The following NEMF variants were observed in gnomAD, a reference collection of about 807,000 sequenced individuals.
The protein encoded by NEMF is ribosome quality control complex subunit NEMF.
NEMF carries 89 observed loss-of-function variants against 162.2 expected under a neutral mutation model. The ratio of observed to expected loss-of-function variants is 0.55; its 90% CI spans 0.46 to 0.65. The LOEUF is 0.65. NEMF is among the 30% of genes least tolerant of loss of function. The pLI is 0.00. For synonymous variants in NEMF, 421 were observed against 404.5 expected, an observed-to-expected ratio of 1.04 and a Z score of -0.49; for missense variants, 1,133 against 1,261.9, an observed-to-expected ratio of 0.90 and a Z score of 1.55.
chr14:49,784,459 G>C lies in NEMF; in HGVS notation c.*177C>G. Reference sequence around the variant, plus strand: ...TTTTGGAAATCCTATCATAGACAGTGTTTCCTCTATATAAAACTGGGAAAA... The same window carrying C: ...TTTTGGAAATCCTATCATAGACAGTCTTTCCTCTATATAAAACTGGGAAAA... On this transcript the variant is annotated 3_prime_UTR_variant, in exon 33 of 33. Transcript: ENST00000298310. The C allele has an allele frequency of 5.5e-6, 3 of 549,390 alleles. No individual in the cohort carries two copies. Among genetic ancestry groups the C allele is most frequent in the Non-Finnish European group, 9.7e-6 (3 of 310,770 alleles). The allele number at this position is 549,390 out of a possible 1,614,324, so 34.0% of individuals were successfully genotyped here. A position where few individuals can be genotyped will look rare whatever the true frequency, so the allele number is the denominator to read the frequency against.
chr14:49,831,428 G>C, intron 10 of NEMF, 67 bp from the exon 11 acceptor site: 1 of 921,268 alleles, frequency 1.1e-6, no homozygotes, highest in Non-Finnish European at 1.7e-6. Context: ...TGCATACACA[G>C]AATTTTATTT....
At chr14:49,852,562 A>T in intron 1 of NEMF, 133 bp downstream of exon 1, 1 of 936,210 alleles carries the variant, frequency 1.1e-6, no homozygotes, top group Non-Finnish European at 1.7e-6. Context: ...ACGCCTGCCC[A>T]CTCAGGCCTA....
intron 3 of NEMF, among the ~76,000 whole-genome samples, chr14:49,846,579 C>T (rs983693046): frequency 1.3e-5 from 2 of 152,190 alleles, no homozygotes; most frequent in Non-Finnish European, 2.9e-5. Context: ...GATCCTCCTG[C>T]ATCAGCCTCC....
At chr14:49,844,873 A>T in intron 4 of NEMF, 1 of 369,838 alleles carries the variant, frequency 2.7e-6, no homozygotes, top group Non-Finnish European at 5.7e-6. Flanking sequence ...GGTTCAAGTG[A>T]TTCTCCTGCC....
chr14:49,844,762 C>CACACACAA, intron 4 of NEMF: 1 of 337,980 alleles, frequency 3.0e-6, no homozygotes, highest in African/African-American at 2.3e-5. Context: ...CACACACACA[C>CACACACAA]ACATATATTT....
intron 4 of NEMF, among the ~76,000 whole-genome samples, chr14:49,844,100 A>G (rs1294931009): frequency 6.7e-6 from 1 of 149,746 alleles, no homozygotes; most frequent in Admixed American, 6.7e-5. Context: ...CTCTGTATCA[A>G]AAAAAAAAAA....
chr14:49,782,806 T>C lies in NEMF; in HGVS notation c.*1830A>G, dbSNP rs531289598. 2 of 1,604,474 alleles carry C rather than the reference T, an allele frequency of 1.2e-6. No homozygotes were observed. The highest frequency in any genetic ancestry group is 1.7e-5 in the Admixed American group (1 of 57,600). On this transcript the variant is annotated 3_prime_UTR_variant, in exon 33 of 33. Transcript: ENST00000298310. ...TCCAAACAGTAAAGTGAAATTACTT[T>C]TCTCTTTCCTTGTCCACTTTCAGGC... is the stretch of plus-strand genomic sequence containing the variant.
At chr14:49,835,889 C>T (rs1354672776) in intron 6 of NEMF, among the ~76,000 whole-genome samples, 1 of 152,132 alleles carries the variant, frequency 6.6e-6, no homozygotes, top group African/African-American at 2.4e-5. Flanking sequence ...ATTCCACTGA[C>T]AATAGCATCA....
chr14:49,848,884 G>T (rs117842801), intron 3 of NEMF, among the ~76,000 whole-genome samples: 2 of 125,098 alleles, frequency 1.6e-5, no homozygotes, highest in Non-Finnish European at 1.7e-5. Flanking sequence ...TTTTACAGAA[G>T]TTAATCTAAG....
intron 26 of NEMF, among the ~76,000 whole-genome samples, chr14:49,790,555 T>G (rs1890391623): frequency 6.6e-6 from 1 of 152,166 alleles, no homozygotes; most frequent in Admixed American, 6.6e-5. Context: ...GGAACTCTCA[T>G]ACACTGCCTG....
intron 23 of NEMF, 120 bp from the exon 24 acceptor site, chr14:49,799,798 G>T: frequency 1.3e-6 from 1 of 793,608 alleles, no homozygotes; most frequent in East Asian, 2.6e-5. Flanking sequence ...TTTCAAATTT[G>T]GTGAAGTGAG....
At chr14:49,848,080 C>T (rs549721619) in intron 3 of NEMF, among the ~76,000 whole-genome samples, 55 of 151,484 alleles carry the variant, frequency 3.6e-4, no homozygotes, top group African/African-American at 1.3e-3. Context: ...GTTGCCCAGG[C>T]AAGGCTCAAA....
chr14:49,836,017 A>G (rs1892884371), intron 6 of NEMF, among the ~76,000 whole-genome samples: 1 of 152,170 alleles, frequency 6.6e-6, no homozygotes, highest in Non-Finnish European at 1.5e-5. Context: ...ATTCTCCCCA[A>G]ACTGATCCAC....
rs374703062 is a variant in NEMF at position 49,851,875 on chromosome 14, G to C, written c.60C>G (p.Ser20Arg). 7 of 1,562,460 alleles carry C rather than the reference G, an allele frequency of 4.5e-6. No homozygotes were observed. Among genetic ancestry groups the C allele is most frequent in the Non-Finnish European group, 4.4e-6 (5 of 1,145,002 alleles). ...CATTGTTTACTCTCATTCCTAGCAA[G>C]CTGCAAAGATAAAGGAAACATGTAA... ...LRAVLAELNA[S>R]LLGMRVNNVY... Residue 20 changes from serine (S) to arginine (R), a missense_variant and splice_region_variant, in exon 2 of 33, where the codon AGC becomes AGG. Transcript: ENST00000298310.
intron 29 of NEMF, chr14:49,785,777 C>T (rs1054553069): frequency 6.1e-6 from 1 of 163,272 alleles, no homozygotes; most frequent in African/African-American, 2.4e-5. Flanking sequence ...CCCAGCTACT[C>T]GGAAGACTGA....
At chr14:49,823,273 G>T (rs1892175497) in intron 16 of NEMF, among the ~76,000 whole-genome samples, 1 of 151,660 alleles carries the variant, frequency 6.6e-6, no homozygotes, top group African/African-American at 2.4e-5. Context: ...AATTTAAAAA[G>T]AAACAACTTG....
chr14:49,802,098 T>C (rs993879274), intron 22 of NEMF, among the ~76,000 whole-genome samples: 7 of 151,944 alleles, frequency 4.6e-5, no homozygotes, highest in East Asian at 1.9e-4. Context: ...GCTGGGACTA[T>C]AGGCGCTCAC....
At chr14:49,801,403 G>C (rs934762709) in intron 22 of NEMF, 4 of 151,984 alleles carry the variant, frequency 2.6e-5, no homozygotes, top group African/African-American at 9.7e-5. Context: ...CAGAAGAATT[G>C]CTAGAACCTG....
Position 49,789,012 on chromosome 14 carries a change from T to A in NEMF, c.2895+134A>T, listed in dbSNP as rs1043221252. The A allele has an allele frequency of 1.4e-5, 10 of 714,360 alleles. 1 individual carries two copies. Among genetic ancestry groups the A allele is most frequent in the African/African-American group, 8.9e-5 (5 of 56,324 alleles). 44.3% of individuals were successfully genotyped at this position (714,360 alleles called of 1,614,324 possible). A position where few individuals can be genotyped will look rare whatever the true frequency, so the allele number is the denominator to read the frequency against. ...TGCAATTTTAGTCTTTCAGGTTGTATTTCTGGATGACATTCCATTAAGAAT... is the reference window on the plus strand; with the variant it reads ...TGCAATTTTAGTCTTTCAGGTTGTAATTCTGGATGACATTCCATTAAGAAT... On this transcript the variant is annotated intron_variant, in intron 28 of 32. Transcript: ENST00000298310.
Sources: gnomAD v4.1 joint callset for allele counts (sites outside exome capture counted in the v4.1 genomes callset) on GRCh38, gnomAD v4.1.1 for gene constraint, MANE v1.5 for transcripts, NCBI Gene and HGNC (gene_info 2026-07-23, HGNC 2026-07-21) for gene names.